Variants in THEMIS observed in about 807,000 individuals in gnomAD.
THEMIS encodes protein THEMIS.
In THEMIS, 37 loss-of-function variants were observed where a neutral mutation model predicts 52.6. The observed-to-expected ratio is 0.70, with a 90% CI of 0.54 to 0.93. The LOEUF (loss-of-function observed/expected upper bound fraction) is 0.93. THEMIS is among the 40% of genes least tolerant of loss of function. The probability of loss-of-function intolerance (pLI) is 0.00; values close to 1 mark genes in which losing one functional copy is unlikely to be tolerated. For synonymous variants in THEMIS, 292 were observed against 272.7 expected, an observed-to-expected ratio of 1.07 and a Z score of -0.70; for missense variants, 808 against 763.1, an observed-to-expected ratio of 1.06 and a Z score of -0.69.
intron 2 of THEMIS, among the ~76,000 whole-genome samples, chr6:127,849,923 A>C (rs1487529440): frequency 6.6e-6 from 1 of 152,158 alleles, no homozygotes; most frequent in Admixed American, 6.6e-5. Context: ...CACACAGCAA[A>C]AGAAATAAGC....
chr6:127,773,852 T>C (rs1208129256), intron 4 of THEMIS, among the ~76,000 whole-genome samples: 1 of 152,212 alleles, frequency 6.6e-6, no homozygotes, highest in Non-Finnish European at 1.5e-5. Flanking sequence ...AATCTTATGG[T>C]CTCATACAGT....
chr6:127,908,642 C>G (rs751479706), intron 1 of THEMIS, among the ~76,000 whole-genome samples: 1 of 152,026 alleles, frequency 6.6e-6, no homozygotes, highest in Non-Finnish European at 1.5e-5. Flanking sequence ...AAAATGAAGC[C>G]CTTATATTCA....
chr6:127,832,945 A>G (rs1046082780), intron 2 of THEMIS, among the ~76,000 whole-genome samples: 5 of 151,304 alleles, frequency 3.3e-5, no homozygotes, highest in African/African-American at 1.2e-4. Context: ...CACCATACTC[A>G]GTTAATTTTT....
chr6:127,709,746 GAAC>G lies in THEMIS; in HGVS notation c.*236_*238del, dbSNP rs991079150. On this transcript the variant is annotated 3_prime_UTR_variant, in exon 6 of 6. Coordinates refer to ENST00000368248, the MANE Select transcript of THEMIS (RefSeq NM_001010923.3). ...GCAAGTTAAATAAATACGTCCTAAA[GAAC>G]AACAACACAATGCCTACAGATTTAG... The G allele has an allele frequency of 1.8e-5, 7 of 383,022 alleles. No individual in the cohort carries two copies. Among genetic ancestry groups the G allele is most frequent in the Non-Finnish European group, 2.8e-5 (6 of 215,024 alleles). The allele number at this position is 383,022 out of a possible 1,614,324, so 23.7% of individuals were successfully genotyped here. A position where few individuals can be genotyped will look rare whatever the true frequency, so the allele number is the denominator to read the frequency against.
intron 4 of THEMIS, among the ~76,000 whole-genome samples, chr6:127,764,832 G>GCT (rs1249017189): frequency 2.0e-5 from 3 of 151,466 alleles, no homozygotes; most frequent in African/African-American, 4.9e-5. Flanking sequence ...TATATGTTTT[G>GCT]CTCTCTCTCT....
In THEMIS at chr6:127,900,993, C is replaced by T; in HGVS notation, c.-61G>A. On this transcript the variant is annotated 5_prime_UTR_variant, in exon 1 of 6. Transcript: ENST00000368248. ...ACAGAAACTTGTGGCTTCTGGGTGA[C>T]ACTTGTCTGCAATTGCAGCCCCTGC... 2 of 1,326,554 alleles carry T rather than the reference C, an allele frequency of 1.5e-6. No homozygotes were observed. The highest frequency in any genetic ancestry group is 1.2e-5 in the South Asian group (1 of 84,750). 82.2% of individuals were successfully genotyped at this position (1,326,554 alleles called of 1,614,324 possible).
chr6:127,743,001 C>T (rs1775262520), intron 4 of THEMIS, among the ~76,000 whole-genome samples: 1 of 151,734 alleles, frequency 6.6e-6, no homozygotes, highest in Admixed American at 6.6e-5. Flanking sequence ...TTGCAAAAAT[C>T]ATTTATTAAA....
intron 1 of THEMIS, among the ~76,000 whole-genome samples, chr6:127,885,108 C>A (rs1046001948): frequency 6.6e-5 from 10 of 151,480 alleles, no homozygotes; most frequent in Admixed American, 4.6e-4. Flanking sequence ...GTCCATAACA[C>A]ATATTATAAA....
intron 5 of THEMIS, among the ~76,000 whole-genome samples, chr6:127,714,116 G>A (rs984007672): frequency 1.3e-5 from 2 of 151,822 alleles, no homozygotes; most frequent in Non-Finnish European, 2.9e-5. Context: ...AGAAATGAAA[G>A]GTTGTTCACA....
chr6:127,875,009 T>A (rs1780271906), intron 1 of THEMIS, among the ~76,000 whole-genome samples: 2 of 152,356 alleles, frequency 1.3e-5, no homozygotes, highest in Admixed American at 6.5e-5. Flanking sequence ...GAAACCCTAT[T>A]GTGAACTGTG....
At chr6:127,783,825 T>C (rs1239311151) in intron 4 of THEMIS, among the ~76,000 whole-genome samples, 2 of 152,214 alleles carry the variant, frequency 1.3e-5, no homozygotes, top group Admixed American at 6.5e-5. Flanking sequence ...GAAGACAGTG[T>C]GGCGATTCCT....
chr6:127,750,633 C>A (rs1263209286), intron 4 of THEMIS, among the ~76,000 whole-genome samples: 1 of 151,794 alleles, frequency 6.6e-6, no homozygotes, highest in Admixed American at 6.6e-5. Flanking sequence ...CAGCAAAAAT[C>A]TGCTTGTTCT....
chr6:127,723,295 C>T (rs186259219), intron 4 of THEMIS, among the ~76,000 whole-genome samples: 1 of 152,150 alleles, frequency 6.6e-6, no homozygotes, highest in East Asian at 1.9e-4. Context: ...CAGACTTCAA[C>T]TTGTTTTACC....
intron 4 of THEMIS, among the ~76,000 whole-genome samples, chr6:127,755,438 AT>A (rs563354359): frequency 9.2e-5 from 14 of 151,692 alleles, no homozygotes; most frequent in East Asian, 5.8e-4. Flanking sequence ...CAAAATATAC[AT>A]TTTTTTTTAA....
intron 1 of THEMIS, among the ~76,000 whole-genome samples, chr6:127,884,402 T>A (rs1780581542): frequency 6.6e-6 from 1 of 152,166 alleles, no homozygotes; most frequent in Admixed American, 6.6e-5. Flanking sequence ...CATGTGAATG[T>A]CCTATAAAGG....
chr6:127,761,293 G>A (rs1053635547), intron 4 of THEMIS, among the ~76,000 whole-genome samples: 2 of 152,084 alleles, frequency 1.3e-5, no homozygotes, highest in Non-Finnish European at 1.5e-5. Context: ...AAGCTGGCAG[G>A]CTTCTGATTT....
intron 4 of THEMIS, among the ~76,000 whole-genome samples, chr6:127,756,954 T>A (rs1740092549): frequency 1.3e-5 from 2 of 152,126 alleles, no homozygotes; most frequent in South Asian, 4.1e-4. Flanking sequence ...AAAAATCACT[T>A]ATTTTAGAAA....
chr6:127,905,569 A>C (rs1781248350), upstream of THEMIS, among the ~76,000 whole-genome samples: 1 of 152,092 alleles, frequency 6.6e-6, no homozygotes, highest in African/African-American at 2.4e-5. Flanking sequence ...GAAGAGGGTG[A>C]ATATGTCAGT....
At chr6:127,758,675 G>A (rs1775916455) in intron 4 of THEMIS, among the ~76,000 whole-genome samples, 1 of 151,884 alleles carries the variant, frequency 6.6e-6, no homozygotes, top group Non-Finnish European at 1.5e-5. Context: ...ATAAATATGT[G>A]TATGCATATC....
Sources: gnomAD v4.1 joint callset for allele counts (sites outside exome capture counted in the v4.1 genomes callset) on GRCh38, gnomAD v4.1.1 for gene constraint, MANE v1.5 for transcripts, NCBI Gene and HGNC (gene_info 2026-07-23, HGNC 2026-07-21) for gene names.